The following CUX2 variants were observed in gnomAD, a reference collection of about 807,000 sequenced individuals.
The protein encoded by CUX2 is homeobox protein cut-like 2.
In CUX2, 40 loss-of-function variants were observed where a neutral mutation model predicts 144.8. That is an observed-to-expected ratio of 0.28 (90% CI 0.21 to 0.36). The LOEUF is 0.36. CUX2 is among the 10% of genes least tolerant of loss of function. The pLI is 1.00. For missense variants in CUX2, 1,615 were observed against 1,994.0 expected (o/e 0.81, Z 3.62); for synonymous variants, 827 against 875.6 (o/e 0.94, Z 0.98).
At chr12:111,055,452 G>A (rs1237512510) in intron 1 of CUX2, among the ~76,000 whole-genome samples, 1 of 152,256 alleles carries the variant, frequency 6.6e-6, no homozygotes, top group African/African-American at 2.4e-5. Context: ...TTCAGCCTCT[G>A]CAAGCAAGGG....
intron 1 of CUX2, among the ~76,000 whole-genome samples, chr12:111,194,683 G>A (rs951476063): frequency 6.6e-6 from 1 of 152,206 alleles, no homozygotes; most frequent in Non-Finnish European, 1.5e-5. Flanking sequence ...TCACCTGTAA[G>A]CCCCAGGAGG....
chr12:111,214,189 T>TTTTA lies in CUX2; in HGVS notation c.64-11_64-10insTTTA. On this transcript the variant is annotated splice_polypyrimidine_tract_variant and intron_variant, in intron 1 of 21. Transcript: ENST00000261726. ...TCTCTCTCTCTTTTTTTTTTTTTTTTATTGTTCCAGAAGGAGCTTAATTCC... is the reference window on the plus strand; with the variant it reads ...TCTCTCTCTCTTTTTTTTTTTTTTTTTTTAATTGTTCCAGAAGGAGCTTAATTCC... 5 of 1,399,086 alleles carry TTTTA rather than the reference T, an allele frequency of 3.6e-6. No homozygotes were observed. Among genetic ancestry groups the TTTTA allele is most frequent in the Non-Finnish European group, 2.9e-6 (3 of 1,037,178 alleles). 86.7% of individuals were successfully genotyped at this position (1,399,086 alleles called of 1,614,324 possible).
chr12:111,135,808 TGCTTTCCAGGG>T (rs1466301347), intron 1 of CUX2, among the ~76,000 whole-genome samples: 1 of 152,306 alleles, frequency 6.6e-6, no homozygotes, highest in African/African-American at 2.4e-5. Context: ...AGCAGATTAG[TGCTTTCCAGGG>T]GCTGGGGAAA....
At chr12:111,321,239 C>T (rs556077063) in intron 17 of CUX2, among the ~76,000 whole-genome samples, 6 of 152,108 alleles carry the variant, frequency 3.9e-5, no homozygotes, top group Non-Finnish European at 5.9e-5. Context: ...GAGGCTGAGG[C>T]GGGCAGATCA....
intron 16 of CUX2, among the ~76,000 whole-genome samples, chr12:111,314,512 G>A (rs189003281): frequency 6.6e-6 from 1 of 152,112 alleles, no homozygotes; most frequent in African/African-American, 2.4e-5. Context: ...ATGGTGGTAG[G>A]TGCCTGTAAT....
At chr12:111,268,824 G>A (rs999260960) in intron 4 of CUX2, among the ~76,000 whole-genome samples, 3 of 152,162 alleles carry the variant, frequency 2.0e-5, no homozygotes, top group African/African-American at 7.2e-5. Flanking sequence ...GATCCTTTGG[G>A]TCCCACTGTG....
chr12:111,217,862 G>A, intron 2 of CUX2, 28 bp from the exon 3 acceptor site: 2 of 1,614,042 alleles, frequency 1.2e-6, no homozygotes, highest in Non-Finnish European at 1.7e-6. Context: ...TGGCACTGTA[G>A]TGAACTCTTT....
chr12:111,055,451 T>C (rs7956093), intron 1 of CUX2, among the ~76,000 whole-genome samples: 13,428 of 152,304 alleles, frequency 0.088, 1,960 homozygotes, highest in African/African-American at 0.31. Flanking sequence ...CTTCAGCCTC[T>C]GCAAGCAAGG....
At position 111,243,371 on chromosome 12, in the gene CUX2, T is replaced by G. The variant is rs79503780; in HGVS notation, c.223-20390T>G. Among the ~76,000 whole-genome samples, 404 of 152,268 alleles carry G rather than the reference T, an allele frequency of 2.7e-3. 1 individual carries two copies. Among genetic ancestry groups the G allele is most frequent in the African/African-American group, 9.3e-3 (386 of 41,550 alleles). The stretch of plus-strand genomic sequence containing the variant: ...CACAATATGATCTACCCTCAAAATT[T>G]TAATAGTACTTTCTTAATGTCATCA... On this transcript the variant is annotated intron_variant, in intron 3 of 21. Transcript: ENST00000261726.
At chr12:111,100,652 A>G (rs970045409) in intron 1 of CUX2, among the ~76,000 whole-genome samples, 1 of 152,200 alleles carries the variant, frequency 6.6e-6, no homozygotes, top group Non-Finnish European at 1.5e-5. Context: ...GTGAGCTTGC[A>G]TGGAGGAGGG....
intron 8 of CUX2, among the ~76,000 whole-genome samples, chr12:111,298,043 T>C (rs11835536): frequency 0.14 from 21,331 of 152,130 alleles, 2,091 homozygotes; most frequent in African/African-American, 0.27. Context: ...GCATGAAGCA[T>C]GTGTGTGGCC....
Position 111,305,000 on chromosome 12 carries a change from G to T in CUX2, c.858+686G>T, listed in dbSNP as rs1223229806. On this transcript the variant is annotated intron_variant, in intron 10 of 21. Transcript: ENST00000261726. This position sits in a 1 kb window ranked among gnomAD's most constrained non-coding sequence, Gnocchi z 4.7. ...CCCAGCCACATGCTATGAAGAGCCA[G>T]TCTTCGGTGATCAACCCTGAGGTTC... Among the ~76,000 whole-genome samples the T allele has an allele frequency of 1.3e-5, 2 of 152,358 alleles. No individual in the cohort carries two copies. The highest frequency in any genetic ancestry group is 1.9e-4 in the East Asian group (1 of 5,190).
intron 18 of CUX2, among the ~76,000 whole-genome samples, chr12:111,324,776 A>G (rs1414125119): frequency 1.3e-5 from 2 of 152,124 alleles, no homozygotes; most frequent in Non-Finnish European, 2.9e-5. Context: ...CTGGGATTAC[A>G]GGCGTGAGCC....
chr12:111,036,191 G>A (rs1869435655), intron 1 of CUX2, among the ~76,000 whole-genome samples: 1 of 152,226 alleles, frequency 6.6e-6, no homozygotes, highest in Non-Finnish European at 1.5e-5. Flanking sequence ...TGTTATTCTG[G>A]GCTGGAGAAA....
At chr12:111,102,112 TCAGGCAGCTGCTGTGTGC>T (rs1221710184) in intron 1 of CUX2, among the ~76,000 whole-genome samples, 1 of 152,222 alleles carries the variant, frequency 6.6e-6, no homozygotes, top group Non-Finnish European at 1.5e-5. Flanking sequence ...TGTGCTGCTG[TCAGGCAGCTGCTGTGTGC>T]CAGGCATCTG....
chr12:111,081,447 G>A (rs1008497545), intron 1 of CUX2, among the ~76,000 whole-genome samples: 3 of 152,086 alleles, frequency 2.0e-5, no homozygotes, highest in Non-Finnish European at 2.9e-5. Flanking sequence ...AATTAAGAAA[G>A]CAGAGCCTCC....
intron 3 of CUX2, among the ~76,000 whole-genome samples, chr12:111,233,933 A>T (rs1882607780): frequency 6.6e-6 from 1 of 152,158 alleles, no homozygotes; most frequent in South Asian, 2.1e-4. Context: ...TCATTCAGGG[A>T]TCCAGGCGTC....
At chr12:111,206,778 A>C (rs1880944180) in intron 1 of CUX2, among the ~76,000 whole-genome samples, 2 of 152,202 alleles carry the variant, frequency 1.3e-5, no homozygotes, top group African/African-American at 2.4e-5. Flanking sequence ...CAGTTGGGTG[A>C]ATAGATGAAT....
rs960155532 is a variant in CUX2, at chr12:111,037,678, A to G, written c.63+3438A>G. Among the ~76,000 whole-genome samples, 1 of 152,234 alleles carries G rather than the reference A, an allele frequency of 6.6e-6. No individual in the cohort carries two copies. Among genetic ancestry groups the G allele is most frequent in the Non-Finnish European group, 1.5e-5 (1 of 68,046 alleles). On this transcript the variant is annotated intron_variant, in intron 1 of 21. Coordinates refer to ENST00000261726, the MANE Select transcript of CUX2 (RefSeq NM_015267.4). The surrounding 1 kb of genome is among the most constrained non-coding windows in gnomAD (Gnocchi z 5.4). Reference sequence around the variant, plus strand: ...TTTCATTTGGTTATAAGATTGCTTTATGGTGAACATTACTAATGCAGTATT... The same window carrying G: ...TTTCATTTGGTTATAAGATTGCTTTGTGGTGAACATTACTAATGCAGTATT...
Sources: allele counts gnomAD v4.1 joint callset (sites outside exome capture counted in the v4.1 genomes callset), GRCh38; gene constraint gnomAD v4.1.1; non-coding constraint Gnocchi (gnomAD v3.1); transcripts MANE v1.5; gene names NCBI Gene and HGNC (gene_info 2026-07-23, HGNC 2026-07-21).